Variants in PDE4D observed in about 807,000 individuals in gnomAD.
PDE4D encodes the protein phosphodiesterase 4D, also known as 3',5'-cyclic-AMP phosphodiesterase 4D.
PDE4D carries 24 observed loss-of-function variants against 87.4 expected under a neutral mutation model. That is an observed-to-expected ratio of 0.27 (90% CI 0.20 to 0.39). PDE4D has a LOEUF of 0.39. Among genes scored for constraint, PDE4D ranks in the 10% least tolerant of loss-of-function variants. The probability of loss-of-function intolerance (pLI) is 1.00; values close to 1 mark genes in which losing one functional copy is unlikely to be tolerated. For synonymous variants in PDE4D, 384 were observed against 383.2 expected (o/e 1.00, Z -0.02); for missense variants, 714 against 1,041.0 (o/e 0.69, Z 4.32).
chr5:58,980,791 T>C (rs1282397335), intron 11 of PDE4D, among the ~76,000 whole-genome samples: 1 of 152,130 alleles, frequency 6.6e-6, no homozygotes, highest in East Asian at 1.9e-4. Flanking sequence ...AGAAATAGAA[T>C]AGACATATGT....
chr5:60,505,602 C>T (rs1750286463), intron 1 of PDE4D, among the ~76,000 whole-genome samples: 1 of 152,182 alleles, frequency 6.6e-6, no homozygotes, highest in South Asian at 2.1e-4. Context: ...GGCAAATTTA[C>T]AAGGCTCAGT....
At chr5:59,114,936 C>T (rs1011460447) in intron 5 of PDE4D, among the ~76,000 whole-genome samples, 12 of 151,546 alleles carry the variant, frequency 7.9e-5, no homozygotes, top group African/African-American at 2.2e-4. Flanking sequence ...AGTTTGGGTG[C>T]GAAAATCAAT....
At chr5:60,194,725 C>T (rs1310813630) in intron 1 of PDE4D, among the ~76,000 whole-genome samples, 1 of 151,560 alleles carries the variant, frequency 6.6e-6, no homozygotes, top group African/African-American at 2.4e-5. Context: ...TACTTTAACC[C>T]GCCACATACA....
At chr5:59,659,738 C>A (rs1744937163) in intron 1 of PDE4D, among the ~76,000 whole-genome samples, 1 of 152,152 alleles carries the variant, frequency 6.6e-6, no homozygotes, top group East Asian at 1.9e-4. Context: ...CCTTGCCCAG[C>A]CATCAAAGGG....
intron 1 of PDE4D, among the ~76,000 whole-genome samples, chr5:59,240,333 T>C (rs181094879): frequency 6.6e-6 from 1 of 152,196 alleles, no homozygotes; most frequent in African/African-American, 2.4e-5. Context: ...TTAAAAACTC[T>C]TGTTGAATAG....
chr5:59,768,210 A>G (rs1389156311), intron 1 of PDE4D: 7 of 1,591,662 alleles, frequency 4.4e-6, no homozygotes, highest in Non-Finnish European at 6.0e-6. Context: ...CTGAAGGGAA[A>G]CGGCCACCAT....
rs902411509 is a variant in PDE4D at position 59,715,389 on chromosome 5, TC to T, written c.455+177778del. On this transcript the variant is annotated intron_variant, in intron 1 of 14. Coordinates refer to ENST00000340635, the MANE Select transcript of PDE4D (RefSeq NM_001104631.2). ...AGCCTTCACCATTTAAGGAAGGGCATCCCCCCCTATGCCCGATGGGGCACGG... is the reference window on the plus strand; with the variant it reads ...AGCCTTCACCATTTAAGGAAGGGCATCCCCCCTATGCCCGATGGGGCACGG... Among the ~76,000 whole-genome samples the T allele has an allele frequency of 5.3e-5, 8 of 152,128 alleles. No homozygotes were observed. In the South Asian group the frequency reaches 1.5e-3, roughly 28 times the overall value.
intron 1 of PDE4D, among the ~76,000 whole-genome samples, chr5:59,698,242 G>A (rs938143239): frequency 2.0e-5 from 3 of 152,064 alleles, no homozygotes; most frequent in African/African-American, 7.2e-5. Context: ...ACAAGATAAA[G>A]TCTGCCATGT....
chr5:60,359,086 T>C (rs1759850154), intron 1 of PDE4D, among the ~76,000 whole-genome samples: 1 of 152,222 alleles, frequency 6.6e-6, no homozygotes, highest in South Asian at 2.1e-4. Flanking sequence ...ATATATGTGG[T>C]CTTCCATAGC....
At chr5:59,245,552 T>C (rs1402865515) in intron 1 of PDE4D, among the ~76,000 whole-genome samples, 3 of 152,106 alleles carry the variant, frequency 2.0e-5, no homozygotes, top group Non-Finnish European at 4.4e-5. Flanking sequence ...GGCAATAAAC[T>C]CTCTGAGTTT....
chr5:60,429,796 C>T (rs1447161426), intron 1 of PDE4D: 1 of 323,004 alleles, frequency 3.1e-6, no homozygotes. Context: ...ATCAGTCTTG[C>T]ATCCTAGGGA....
intron 1 of PDE4D, among the ~76,000 whole-genome samples, chr5:59,304,563 A>G (rs116096347): frequency 0.07 from 10,701 of 152,202 alleles, 500 homozygotes; most frequent in South Asian, 0.13. Flanking sequence ...ACATTAATGT[A>G]TGTCCCTTGT....
chr5:59,774,323 T>C (rs1490244768), intron 1 of PDE4D, among the ~76,000 whole-genome samples: 2 of 152,222 alleles, frequency 1.3e-5, no homozygotes, highest in African/African-American at 2.4e-5. Flanking sequence ...AGTTTGTTCA[T>C]TGGCTGTATA....
Position 59,215,864 on chromosome 5 carries a change from C to T in PDE4D, c.560G>A (p.Arg187Gln), listed in dbSNP as rs765474542. The T allele has an allele frequency of 1.9e-6, 3 of 1,613,652 alleles. No individual in the cohort carries two copies. The highest frequency in any genetic ancestry group is 2.5e-6 in the Non-Finnish European group (3 of 1,179,656). The change falls in exon 2 of 15, where the codon CGA becomes CAA. Residue 187 changes from arginine (R) to glutamine (Q), a missense_variant. Transcript: ENST00000340635. ...ILQANFVHSQ[R>Q]RESFLYRSDS... ...GGATCGATACAGGAAGGACTCCCGT[C>T]GTTGACTGTGGACAAAATTTGCTTG...
chr5:59,989,525 A>T (rs1214145854), intron 2 of PDE4D, among the ~76,000 whole-genome samples: 12 of 152,076 alleles, frequency 7.9e-5, no homozygotes, highest in Admixed American at 7.9e-4. Context: ...ATTTACTCAG[A>T]TATACTCTTG....
intron 1 of PDE4D, among the ~76,000 whole-genome samples, chr5:60,447,201 T>C (rs192457360): frequency 1.9e-4 from 29 of 152,254 alleles, no homozygotes; most frequent in African/African-American, 9.6e-5. Context: ...ACATTTTCAT[T>C]TCAAATGGTC....
intron 1 of PDE4D, among the ~76,000 whole-genome samples, chr5:59,337,297 G>T (rs1037209818): frequency 1.1e-4 from 16 of 149,942 alleles, no homozygotes; most frequent in Non-Finnish European, 1.9e-4. Flanking sequence ...TAATGATGCT[G>T]GTATAAGTGA....
intron 1 of PDE4D, among the ~76,000 whole-genome samples, chr5:60,494,483 C>T (rs1749705680): frequency 6.6e-6 from 1 of 152,170 alleles, no homozygotes; most frequent in African/African-American, 2.4e-5. Context: ...TGGAGAATTT[C>T]AGGAAAACAA....
chr5:59,437,412 C>T (rs1161445821), intron 1 of PDE4D, among the ~76,000 whole-genome samples: 1 of 152,120 alleles, frequency 6.6e-6, no homozygotes, highest in Non-Finnish European at 1.5e-5. Flanking sequence ...AAAGAATTTC[C>T]AACAGTAGGA....
Sources: allele counts gnomAD v4.1 joint callset (sites outside exome capture counted in the v4.1 genomes callset), GRCh38; gene constraint gnomAD v4.1.1; transcripts MANE v1.5; gene names NCBI Gene and HGNC (gene_info 2026-07-23, HGNC 2026-07-21).